The following FAM20C variants were observed in gnomAD, a reference collection of about 807,000 sequenced individuals.
FAM20C encodes extracellular serine/threonine protein kinase FAM20C.
Under a neutral mutation model 51.5 loss-of-function variants are expected in FAM20C, and 40 were observed. The ratio of observed to expected loss-of-function variants is 0.78; its 90% CI spans 0.60 to 1.01. FAM20C has a LOEUF of 1.01. Ranked by LOEUF, FAM20C falls within the 50% of genes least tolerant of loss-of-function variation. The pLI is 0.00. For synonymous variants in FAM20C, 406 were observed against 380.6 expected (o/e 1.07, Z -0.78); for missense variants, 861 against 844.7 (o/e 1.02, Z -0.24).
At chr7:232,620 G>A (rs1438936137) in intron 3 of FAM20C, among the ~76,000 whole-genome samples, 2 of 152,216 alleles carry the variant, frequency 1.3e-5, no homozygotes, top group East Asian at 1.9e-4. Flanking sequence ...CAAAGCAAAC[G>A]TTTTCTATTT....
intron 3 of FAM20C, among the ~76,000 whole-genome samples, chr7:210,602 G>T (rs1194333210): frequency 3.3e-5 from 5 of 152,120 alleles, no homozygotes; most frequent in African/African-American, 1.2e-4. Flanking sequence ...CCTCCCACCT[G>T]TGGGAGCATT....
At chr7:211,998 A>G (rs1213927403) in intron 3 of FAM20C, among the ~76,000 whole-genome samples, 2 of 152,148 alleles carry the variant, frequency 1.3e-5, no homozygotes, top group African/African-American at 2.4e-5. Context: ...GGGGGCCTGG[A>G]TCTGTCATTG....
At chr7:211,149 T>C (rs1156873009) in intron 3 of FAM20C, among the ~76,000 whole-genome samples, 5 of 18,192 alleles carry the variant, frequency 2.7e-4, no homozygotes, top group Non-Finnish European at 5.9e-4. Flanking sequence ...CAGCCTCCCC[T>C]GGGCCTCCTC....
At chr7:208,875 G>C in intron 2 of FAM20C, 23 bp from the exon 3 acceptor site, 1 of 1,557,260 alleles carries the variant, frequency 6.4e-7, no homozygotes, top group Non-Finnish European at 8.7e-7. Context: ...GAGTGACCCT[G>C]TTTCTCTCCC....
intron 3 of FAM20C, chr7:227,898 CG>C (rs2115110413): frequency 6.5e-6 from 1 of 152,956 alleles, no homozygotes; most frequent in Admixed American, 6.5e-5. Flanking sequence ...TTAAATTGAC[CG>C]TAAGAGGTTG....
intron 9 of FAM20C, among the ~76,000 whole-genome samples, chr7:259,472 CGG>C (rs1788782507): frequency 8.7e-5 from 3 of 34,414 alleles, no homozygotes; most frequent in African/African-American, 4.5e-4. Flanking sequence ...CTCTCTGTCT[CGG>C]TCTGCCTGTT....
intron 4 of FAM20C, 84 bp downstream of exon 4, chr7:246,591 C>G: frequency 3.4e-6 from 2 of 595,246 alleles, no homozygotes; most frequent in Non-Finnish European, 4.4e-6. Flanking sequence ...CTGGACACAG[C>G]AGGACGTCAT....
intron 2 of FAM20C, among the ~76,000 whole-genome samples, chr7:201,930 G>A (rs955005630): frequency 2.0e-5 from 3 of 152,218 alleles, no homozygotes; most frequent in African/African-American, 7.2e-5. Context: ...ACTAGTGCAC[G>A]TTAATCACAT....
In FAM20C at chr7:193,416, G is replaced by T. The variant is rs1222766107; in HGVS notation, c.217G>T (p.Ala73Ser). 3.8e-5 allele frequency: 53 copies of T among 1,411,930 alleles called. No individual in the cohort carries two copies. The highest frequency in any genetic ancestry group is 4.8e-5 in the Non-Finnish European group (51 of 1,071,422). The allele number at this position is 1,411,930 out of a possible 1,614,324, so 87.5% of individuals were successfully genotyped here. Residue 73 changes from alanine (A) to serine (S), a missense_variant, in exon 1 of 10, where the codon GCC becomes TCC. By Grantham distance (99) the Ala-to-Ser change is moderately conservative. This residue lies in a region of FAM20C where 561 missense variants were observed against 499.8 expected (regional missense o/e 1.12). Coordinates refer to ENST00000313766, the MANE Select transcript of FAM20C (RefSeq NM_020223.4). ...VRGRPGEPPA[A>S]SSAAGDAGWP... ...GGGCCGCCCCGGGGAGCCCCCGGCC[G>T]CCTCCTCCGCCGCCGGCGACGCGGG...
rs1256793814 is a variant in FAM20C, at chr7:256,955, A to G, written c.1364-50A>G. Reference sequence around the variant, plus strand: ...TGCAGAGCACAGAGGCCTCTGAGCTACGTGGCCCGGCTCCCCACGAGCTGT... The same window carrying G: ...TGCAGAGCACAGAGGCCTCTGAGCTGCGTGGCCCGGCTCCCCACGAGCTGT... On this transcript the variant is annotated intron_variant, in intron 7 of 9. Transcript: ENST00000313766. 3.9e-6 allele frequency: 6 copies of G among 1,526,960 alleles called. No individual in the cohort carries two copies. The Admixed American group carries it at 9.8e-5, about 25-fold the overall frequency. 94.6% of individuals were successfully genotyped at this position (1,526,960 alleles called of 1,614,324 possible). A position where few individuals can be genotyped will look rare whatever the true frequency, so the allele number is the denominator to read the frequency against.
chr7:207,899 C>T (rs751390654), intron 2 of FAM20C, among the ~76,000 whole-genome samples: 11 of 152,234 alleles, frequency 7.2e-5, no homozygotes, highest in Non-Finnish European at 1.5e-4. Context: ...AAGGAAATCC[C>T]GAGGTGGTGG....
chr7:232,098 C>G (rs1787713054), intron 3 of FAM20C, among the ~76,000 whole-genome samples: 1 of 152,240 alleles, frequency 6.6e-6, no homozygotes, highest in Non-Finnish European at 1.5e-5. Context: ...GACTGGACGC[C>G]CCTTTCCCTG....
Position 193,189 on chromosome 7 carries a change from C to T in FAM20C, c.-11C>T, listed in dbSNP as rs767408512. 1 of 1,451,746 alleles carries T rather than the reference C, an allele frequency of 6.9e-7. No individual in the cohort carries two copies. 89.9% of individuals were successfully genotyped at this position (1,451,746 alleles called of 1,614,324 possible). A position where few individuals can be genotyped will look rare whatever the true frequency, so the allele number is the denominator to read the frequency against. ...AGAACGCGCTCCAGGCCCGGGCCGG[C>T]CCGCGCGGCCATGAAGATGATGCTG... On this transcript the variant is annotated 5_prime_UTR_variant, in exon 1 of 10. Coordinates refer to ENST00000313766, the MANE Select transcript of FAM20C (RefSeq NM_020223.4).
chr7:207,362 G>A (rs1418477184), intron 2 of FAM20C, among the ~76,000 whole-genome samples: 1 of 132,880 alleles, frequency 7.5e-6, no homozygotes, highest in East Asian at 2.6e-4. Flanking sequence ...ACTGTGAGGC[G>A]TCGGTCACTG....
Position 202,337 on chromosome 7 carries a change from G to C in FAM20C, c.785-6561G>C, listed in dbSNP as rs541008486. 1.1e-4 allele frequency among the ~76,000 whole-genome samples: 17 copies of C among 147,932 alleles called. No homozygotes were observed. The South Asian group carries it at 3.5e-3, about 30-fold the overall frequency. ...ATGGATATCTTCCAGTGTGCATAGA[G>C]AGAATGGGTGACTGCTGGGTGAGAT... On this transcript the variant is annotated intron_variant, in intron 2 of 9. Coordinates refer to ENST00000313766, the MANE Select transcript of FAM20C (RefSeq NM_020223.4).
chr7:195,657 G>T lies in FAM20C; in HGVS notation c.709G>T (p.Glu237Ter), dbSNP rs200225309. 6.2e-7 allele frequency: 1 copy of T among 1,611,154 alleles called. No individual in the cohort carries two copies. Among genetic ancestry groups the T allele is most frequent in the South Asian group, 1.1e-5 (1 of 90,718 alleles). ...GTTCCACATTGGTATCAACCGGTAC[G>T]AGCTGTACTCCAGACACAACCCGGC... ...LKFHIGINRY[E>*]LYSRHNPAIE... The change falls in exon 2 of 10, where the codon GAG becomes TAG. Residue 237 changes from glutamate to a stop codon, truncating the protein, a stop_gained. Coordinates refer to ENST00000313766, the MANE Select transcript of FAM20C (RefSeq NM_020223.4). LOFTEE classifies it high-confidence loss of function.
At chr7:198,147 C>A (rs1785969006) in intron 2 of FAM20C, among the ~76,000 whole-genome samples, 1 of 152,212 alleles carries the variant, frequency 6.6e-6, no homozygotes, top group Admixed American at 6.5e-5. Context: ...GGGTGGGGAC[C>A]CGTCCAAGGA....
At chr7:216,634 TGTGTGTGA>T (rs1786981337) in intron 3 of FAM20C, among the ~76,000 whole-genome samples, 1 of 143,466 alleles carries the variant, frequency 7.0e-6, no homozygotes, top group East Asian at 2.0e-4. Flanking sequence ...TGTGTGTGAG[TGTGTGTGA>T]GTGTGTGTGA....
intron 3 of FAM20C, among the ~76,000 whole-genome samples, chr7:237,838 G>GTGA (rs1787894942): frequency 0.078 from 23 of 296 alleles, no homozygotes; most frequent in East Asian, 0.25. Context: ...AATAGTGATA[G>GTGA]TGATGATGNN....
Sources: allele counts gnomAD v4.1 joint callset (sites outside exome capture counted in the v4.1 genomes callset), GRCh38; gene constraint gnomAD v4.1.1; regional missense constraint gnomAD v4.1.1; transcripts MANE v1.5; gene names NCBI Gene and HGNC (gene_info 2026-07-23, HGNC 2026-07-21).